TBC1D19: variants seen among roughly 807,000 people sequenced by gnomAD.
TBC1D19 encodes the protein TBC1 domain family member 19.
TBC1D19 carries 60 observed loss-of-function variants against 89.0 expected under a neutral mutation model. The ratio of observed to expected loss-of-function variants is 0.67; its 90% CI spans 0.55 to 0.84. The LOEUF is 0.84. Ranked by LOEUF, TBC1D19 falls within the 40% of genes least tolerant of loss-of-function variation. TBC1D19 has a pLI of 0.00. For synonymous variants in TBC1D19, 189 were observed against 199.7 expected, an observed-to-expected ratio of 0.95 and a Z score of 0.45; for missense variants, 500 against 610.8, an observed-to-expected ratio of 0.82 and a Z score of 1.91.
intron 13 of TBC1D19, among the ~76,000 whole-genome samples, chr4:26,700,974 C>T (rs1034510388): frequency 2.6e-5 from 4 of 152,124 alleles, no homozygotes; most frequent in African/African-American, 9.7e-5. Context: ...CTACATGACC[C>T]TGCATTACCT....
At chr4:26,659,499 T>G (rs1359498007) in intron 7 of TBC1D19, 98 bp from the exon 8 acceptor site, 1 of 649,006 alleles carries the variant, frequency 1.5e-6, no homozygotes, top group Non-Finnish European at 2.6e-6. Flanking sequence ...AAATAGTAAT[T>G]AATTTTGTGG....
the TBC1D19 span, among the ~76,000 whole-genome samples, chr4:26,817,989 T>A: frequency 5.0e-5 from 7 of 141,266 alleles, no homozygotes; most frequent in Middle Eastern, 3.6e-3. Context: ...AAAATATATA[T>A]ATATATATAT....
chr4:26,650,400 T>TGC (rs1744281717), intron 7 of TBC1D19, among the ~76,000 whole-genome samples: 1 of 152,110 alleles, frequency 6.6e-6, no homozygotes, highest in Non-Finnish European at 1.5e-5. Flanking sequence ...TTAATGATCC[T>TGC]CATTCTAACT....
At chr4:26,662,074 A>G (rs1484292603) in intron 8 of TBC1D19, among the ~76,000 whole-genome samples, 2 of 152,170 alleles carry the variant, frequency 1.3e-5, no homozygotes, top group Non-Finnish European at 2.9e-5. Context: ...AGTAAATAAC[A>G]TTGCTTAGCA....
At position 26,625,327 on chromosome 4, in the gene TBC1D19, T is replaced by C. The variant is rs1217761613; in HGVS notation, c.294+4639T>C. Among the ~76,000 whole-genome samples, 6 of 152,200 alleles carry C rather than the reference T, an allele frequency of 3.9e-5. No homozygotes were observed. The East Asian group carries it at 1.2e-3, about 29-fold the overall frequency. On this transcript the variant is annotated intron_variant, in intron 4 of 20. Transcript: ENST00000264866. ...AAGTTTGCAAATTGAGGAACACTGC[T>C]TTCCTCTTGATGACTCACAATTTAT...
At chr4:26,819,134 T>G in the TBC1D19 span, among the ~76,000 whole-genome samples, 1 of 152,340 alleles carries the variant, frequency 6.6e-6, no homozygotes, top group South Asian at 2.1e-4. Context: ...CCCCAGCGAC[T>G]AACTGGTTCC....
At chr4:26,744,513 A>G (rs1342413533) in intron 18 of TBC1D19, among the ~76,000 whole-genome samples, 1 of 151,816 alleles carries the variant, frequency 6.6e-6, no homozygotes, top group African/African-American at 2.4e-5. Context: ...ATAAGCATTA[A>G]TGTTACAGAT....
At chr4:26,674,439 G>A (rs752183355) in intron 11 of TBC1D19, among the ~76,000 whole-genome samples, 1 of 152,136 alleles carries the variant, frequency 6.6e-6, no homozygotes, top group East Asian at 1.9e-4. Flanking sequence ...GTAAGACATT[G>A]ATTCTTGAAA....
chr4:26,817,968 T>TAAA, the TBC1D19 span, among the ~76,000 whole-genome samples: 163 of 119,174 alleles, frequency 1.4e-3, 2 homozygotes, highest in African/African-American at 3.2e-3. Context: ...AAACTCCATT[T>TAAA]AAAAAAAAAA....
the TBC1D19 span, among the ~76,000 whole-genome samples, chr4:26,761,966 A>G: frequency 6.6e-6 from 1 of 152,052 alleles, no homozygotes; most frequent in Non-Finnish European, 1.5e-5. Flanking sequence ...GTCTCTACTA[A>G]AAGTACAAAA....
intron 12 of TBC1D19, among the ~76,000 whole-genome samples, chr4:26,684,790 CA>C (rs1271578509): frequency 6.6e-6 from 1 of 151,960 alleles, no homozygotes; most frequent in African/African-American, 2.4e-5. Context: ...AGAACATGGC[CA>C]GGGGTAATAA....
rs182914326 is a variant in TBC1D19 at position 26,737,511 on chromosome 4, G to A, written c.1117+2024G>A. Among the ~76,000 whole-genome samples the A allele has an allele frequency of 4.6e-5, 7 of 152,138 alleles. No individual in the cohort carries two copies. The East Asian group carries it at 1.4e-3, about 29-fold the overall frequency. ...TTTAAATCTTCTAGCAAGATCTTCT[G>A]GTGTTTAAAATATATCATTGACTCA... is the stretch of plus-strand genomic sequence containing the variant. On this transcript the variant is annotated intron_variant, in intron 16 of 20. Transcript: ENST00000264866.
At chr4:26,642,929 G>C (rs945287943) in intron 7 of TBC1D19, among the ~76,000 whole-genome samples, 1 of 152,112 alleles carries the variant, frequency 6.6e-6, no homozygotes, top group Non-Finnish European at 1.5e-5. Flanking sequence ...GATTCAAAAA[G>C]CAAGTCCTGA....
chr4:26,682,583 G>A (rs1713447304), intron 11 of TBC1D19, among the ~76,000 whole-genome samples: 1 of 152,164 alleles, frequency 6.6e-6, no homozygotes, highest in African/African-American at 2.4e-5. Context: ...CAGATCCGCT[G>A]TCCTAAATTG....
chr4:26,845,763 T>C, the TBC1D19 span, among the ~76,000 whole-genome samples: 1 of 152,334 alleles, frequency 6.6e-6, no homozygotes, highest in East Asian at 1.9e-4. Flanking sequence ...ACATCTTATA[T>C]GGTGGCAGGC....
chr4:26,770,031 T>TA, the TBC1D19 span, among the ~76,000 whole-genome samples: 7 of 139,308 alleles, frequency 5.0e-5, no homozygotes, highest in Non-Finnish European at 7.9e-5. Flanking sequence ...GTAAAAGGAA[T>TA]AAAAAGGAAA....
At chr4:26,585,886 A>G (rs1281559852) in intron 1 of TBC1D19, among the ~76,000 whole-genome samples, 1 of 152,168 alleles carries the variant, frequency 6.6e-6, no homozygotes, top group Non-Finnish European at 1.5e-5. Flanking sequence ...CACCCTGCCC[A>G]GTCTGTGGAT....
intron 2 of TBC1D19, 32 bp downstream of exon 2, chr4:26,613,273 A>C: frequency 7.5e-7 from 1 of 1,332,242 alleles, no homozygotes; most frequent in Non-Finnish European, 1.0e-6. Flanking sequence ...ACTTAAGGCA[A>C]AATAAGAAAA....
the TBC1D19 span, among the ~76,000 whole-genome samples, chr4:26,825,132 C>T: frequency 6.6e-6 from 1 of 150,622 alleles, no homozygotes; most frequent in Non-Finnish European, 1.5e-5. Flanking sequence ...CAGAGTCTCA[C>T]TCTGTCATCA....
Sources: allele counts gnomAD v4.1 joint callset (sites outside exome capture counted in the v4.1 genomes callset), GRCh38; gene constraint gnomAD v4.1.1; transcripts MANE v1.5; gene names NCBI Gene and HGNC (gene_info 2026-07-23, HGNC 2026-07-21).